Variants in RNFT2 observed in about 807,000 individuals in gnomAD.
The protein encoded by RNFT2 is E3 ubiquitin-protein ligase RNFT2.
A neutral mutation model predicts 53.0 loss-of-function variants in RNFT2; 36 were observed. That is an observed-to-expected ratio of 0.68 (90% confidence interval 0.52 to 0.90). RNFT2 has a LOEUF of 0.90. RNFT2 is among the 40% of genes least tolerant of loss of function. The pLI, the probability that RNFT2 is intolerant of heterozygous loss-of-function variation, is 0.00. For missense variants in RNFT2, 514 were observed against 585.6 expected (o/e 0.88, Z 1.26); for synonymous variants, 260 against 253.2 (o/e 1.03, Z -0.26).
intron 6 of RNFT2, among the ~76,000 whole-genome samples, chr12:116,771,305 C>T (rs1054636434): frequency 2.6e-5 from 4 of 151,330 alleles, no homozygotes; most frequent in African/African-American, 4.9e-5. Flanking sequence ...ACAAAAAATA[C>T]AAAAATTAGC....
rs1491208112 is a variant in RNFT2 at position 116,743,245 on chromosome 12, C to CAAAAAAAAA, written c.83+2151_83+2152insAAAAAAAAA. ...AAAAAAAAAAAAAAAAAAAAAAAAACCGGTTAAAAAACACTCATGAGCTAG... is the reference window on the plus strand; with the variant it reads ...AAAAAAAAAAAAAAAAAAAAAAAAACAAAAAAAAACGGTTAAAAAACACTCATGAGCTAG... On this transcript the variant is annotated intron_variant, in intron 3 of 10. Transcript: ENST00000257575. Among the ~76,000 whole-genome samples the CAAAAAAAAA allele has an allele frequency of 9.6e-4, 26 of 27,184 alleles. 1 individual carries two copies. Among genetic ancestry groups the CAAAAAAAAA allele is most frequent in the Non-Finnish European group, 1.4e-3 (21 of 15,158 alleles). 17.8% of individuals were successfully genotyped at this position (27,184 alleles called of 152,430 possible). A position where few individuals can be genotyped will look rare whatever the true frequency, so the allele number is the denominator to read the frequency against.
intron 10 of RNFT2, among the ~76,000 whole-genome samples, chr12:116,848,712 T>C (rs1455139555): frequency 6.6e-6 from 1 of 152,204 alleles, no homozygotes; most frequent in African/African-American, 2.4e-5. Context: ...CTCCTCACTG[T>C]CCTGCAAGTT....
chr12:116,836,341 C>T, intron 10 of RNFT2, 59 bp downstream of exon 10: 1 of 1,395,726 alleles, frequency 7.2e-7, no homozygotes, highest in Non-Finnish European at 9.9e-7. Flanking sequence ...TAGGACCCTT[C>T]CCCATGGGCA....
rs115189856 is a variant in RNFT2 at position 116,852,883 on chromosome 12, A to G, written c.*3435A>G. 4.4e-4 allele frequency: 280 copies of G among 642,150 alleles called. No homozygotes were observed. In the African/African-American group the frequency reaches 4.5e-3, roughly 10 times the overall value. The allele number at this position is 642,150 out of a possible 1,614,324, so 39.8% of individuals were successfully genotyped here. ...ATGTAGGTTACTAGTGAATACCCCA[A>G]TGGTTTCTCCAATTATGCCCATGCC... On this transcript the variant is annotated 3_prime_UTR_variant, in exon 11 of 11. Transcript: ENST00000257575.
intron 7 of RNFT2, among the ~76,000 whole-genome samples, chr12:116,826,992 G>C (rs1876369857): frequency 6.6e-6 from 1 of 152,032 alleles, no homozygotes; most frequent in African/African-American, 2.4e-5. Context: ...AGGCCGAGGC[G>C]GGTGGATCAC....
intron 7 of RNFT2, among the ~76,000 whole-genome samples, chr12:116,830,576 T>A (rs924386757): frequency 2.0e-5 from 3 of 152,098 alleles, no homozygotes; most frequent in Admixed American, 6.6e-5. Context: ...GTGTCAGCCA[T>A]TGCACCTGGC....
intron 6 of RNFT2, among the ~76,000 whole-genome samples, chr12:116,778,234 A>G (rs757582809): frequency 6.6e-6 from 1 of 152,086 alleles, no homozygotes; most frequent in Non-Finnish European, 1.5e-5. Flanking sequence ...AGCAAAACTC[A>G]TGTTGAAATT....
chr12:116,836,198 C>T lies in RNFT2; in HGVS notation c.1116C>T (p.Ala372=), dbSNP rs769820551. ...LCTSQNYGVR[A]TGQQCTEAGD... ...CCTCAAAGAACTATGGAGTCCGAGCCACCGGGCAGCAGTGCACAGAAGCTG... is the reference window on the plus strand; with the variant it reads ...CCTCAAAGAACTATGGAGTCCGAGCTACCGGGCAGCAGTGCACAGAAGCTG... Residue 372 remains alanine (A), a synonymous_variant, in exon 10 of 11, where the codon GCC becomes GCT. Transcript: ENST00000257575. 3.1e-6 allele frequency: 5 copies of T among 1,595,390 alleles called. No homozygotes were observed. The Admixed American group carries it at 8.8e-5, about 28-fold the overall frequency.
At chr12:116,749,708 G>C in intron 3 of RNFT2, 133 bp from the exon 4 acceptor site, 1 of 765,742 alleles carries the variant, frequency 1.3e-6, no homozygotes, top group Non-Finnish European at 2.1e-6. Context: ...TGGGAGGAAG[G>C]ACTTCATGTG....
chr12:116,848,458 T>C (rs369281917), intron 10 of RNFT2, among the ~76,000 whole-genome samples: 2 of 152,088 alleles, frequency 1.3e-5, no homozygotes, highest in East Asian at 3.9e-4. Flanking sequence ...CATGGGCCCC[T>C]TACTTCTCTC....
chr12:116,769,736 A>C (rs930989252), intron 6 of RNFT2, among the ~76,000 whole-genome samples: 1 of 152,206 alleles, frequency 6.6e-6, no homozygotes, highest in Non-Finnish European at 1.5e-5. Flanking sequence ...TAAACATTTT[A>C]AAATAAATGT....
chr12:116,841,834 A>AAT (rs1235996836), intron 10 of RNFT2, among the ~76,000 whole-genome samples: 22 of 30,108 alleles, frequency 7.3e-4, no homozygotes, highest in African/African-American at 2.3e-3. Context: ...TATATATATA[A>AAT]ATATATATAT....
At chr12:116,786,455 G>A (rs1243699079) in intron 7 of RNFT2, among the ~76,000 whole-genome samples, 3 of 152,054 alleles carry the variant, frequency 2.0e-5, no homozygotes, top group Non-Finnish European at 4.4e-5. Flanking sequence ...CGGTGGTGGG[G>A]TCAGGATGAC....
chr12:116,790,097 A>G (rs1874166285), intron 7 of RNFT2, among the ~76,000 whole-genome samples: 1 of 152,238 alleles, frequency 6.6e-6, no homozygotes, highest in Non-Finnish European at 1.5e-5. Flanking sequence ...GGTAGGTGTC[A>G]AAACACTTCT....
chr12:116,818,112 T>C (rs1875783917), intron 7 of RNFT2, among the ~76,000 whole-genome samples: 1 of 152,090 alleles, frequency 6.6e-6, no homozygotes, highest in African/African-American at 2.4e-5. Context: ...TTTTAAAAAA[T>C]ATTTACCAGC....
intron 2 of RNFT2, 77 bp downstream of exon 2, chr12:116,740,598 G>T: frequency 7.5e-7 from 1 of 1,337,108 alleles, no homozygotes; most frequent in South Asian, 1.3e-5. Context: ...GTTTTGGTTT[G>T]ACCACTCCAC....
intron 5 of RNFT2, among the ~76,000 whole-genome samples, chr12:116,758,888 G>A (rs1466491409): frequency 1.3e-5 from 2 of 152,174 alleles, no homozygotes; most frequent in Non-Finnish European, 2.9e-5. Context: ...TGTGCTTCTT[G>A]TATTTGGATG....
chr12:116,750,211 G>C lies in RNFT2; in HGVS notation c.454G>C (p.Ala152Pro), dbSNP rs745918547. 2 of 1,605,272 alleles carry C rather than the reference G, an allele frequency of 1.2e-6. No individual in the cohort carries two copies. The highest frequency in any genetic ancestry group is 2.2e-5 in the South Asian group (2 of 90,258). Residue 152 changes from alanine to proline, a missense_variant, in exon 4 of 11, where the codon GCC becomes CCC. Around this residue, in one of 3 missense-constraint regions of RNFT2, gnomAD observed 237 missense variants for 235.1 expected, o/e 1.01. Coordinates refer to ENST00000257575, the MANE Select transcript of RNFT2 (RefSeq NM_001382266.1). ...CGAGCAGCCTGGGACGCCCGCCCCCGCCCTGTCCGAGCTGAAGGCTGTGAT... is the reference window on the plus strand; with the variant it reads ...CGAGCAGCCTGGGACGCCCGCCCCCCCCCTGTCCGAGCTGAAGGCTGTGAT... ...GDEQPGTPAPALSELKAVICW... is the reference protein window; with the variant it reads ...GDEQPGTPAPPLSELKAVICW...
chr12:116,753,973 C>G lies in RNFT2; in HGVS notation c.551-11C>G. 3 of 1,613,518 alleles carry G rather than the reference C, an allele frequency of 1.9e-6. No homozygotes were observed. The highest frequency in any genetic ancestry group is 2.5e-6 in the Non-Finnish European group (3 of 1,179,484). ...TAAGTGGGTGACATCAGGCCCTTCTCTGTCCCACAGGCATTGCTGTGTGCA... is the reference window on the plus strand; with the variant it reads ...TAAGTGGGTGACATCAGGCCCTTCTGTGTCCCACAGGCATTGCTGTGTGCA... On this transcript the variant is annotated splice_polypyrimidine_tract_variant and intron_variant, in intron 4 of 10. Transcript: ENST00000257575.
Sources: allele counts gnomAD v4.1 joint callset (sites outside exome capture counted in the v4.1 genomes callset), GRCh38; gene constraint gnomAD v4.1.1; regional missense constraint gnomAD v4.1.1; transcripts MANE v1.5; gene names NCBI Gene and HGNC (gene_info 2026-07-23, HGNC 2026-07-21).